MIA3: variants seen among roughly 807,000 people sequenced by gnomAD.
The protein encoded by MIA3 is MIA SH3 domain ER export factor 3.
MIA3 carries 90 observed loss-of-function variants against 192.4 expected under a neutral mutation model. That is an observed-to-expected ratio of 0.47 (90% confidence interval 0.39 to 0.56). The LOEUF is 0.56. Ranked by LOEUF, MIA3 falls within the 20% of genes least tolerant of loss-of-function variation. The probability of loss-of-function intolerance (pLI) is 0.00; values close to 1 mark genes in which losing one functional copy is unlikely to be tolerated. For synonymous variants in MIA3, 740 were observed against 792.8 expected, an observed-to-expected ratio of 0.93 and a Z score of 1.12; for missense variants, 2,123 against 2,269.4, an observed-to-expected ratio of 0.94 and a Z score of 1.31.
At chr1:222,656,305 T>C (rs1375965914) in intron 18 of MIA3, among the ~76,000 whole-genome samples, 3 of 152,140 alleles carry the variant, frequency 2.0e-5, no homozygotes, top group South Asian at 2.1e-4. Context: ...TCAGTGAGTT[T>C]ACTTTTGTAT....
At chr1:222,625,285 G>A (rs112438796) in intron 3 of MIA3, among the ~76,000 whole-genome samples, 159 of 152,332 alleles carry the variant, frequency 1.0e-3, no homozygotes, top group African/African-American at 3.4e-3. Context: ...GATTACATGC[G>A]TGAGCCACTG....
chr1:222,661,753 G>A (rs919140755), intron 24 of MIA3, among the ~76,000 whole-genome samples: 11 of 152,080 alleles, frequency 7.2e-5, no homozygotes, highest in Admixed American at 5.9e-4. Flanking sequence ...AGTAAGATAC[G>A]GAAGTCAGAT....
At position 222,629,847 on chromosome 1, in the gene MIA3, C is replaced by T. The variant is rs1320935884; in HGVS notation, c.2627C>T (p.Ser876Leu). The part of the protein sequence containing the change: ...GLAGEPEGEL[S>L]KEDHENTEKY... ...GCAGGGGAGCCTGAGGGAGAACTCT[C>T]AAAAGAGGACCATGAGAACACAGAG... The change falls in exon 4 of 28, where the codon TCA (serine) becomes TTA (leucine). Residue 876 changes from serine (S) to leucine (L), a missense_variant. By Grantham distance (145) the Ser-to-Leu change is moderately radical (BLOSUM62 -2). Coordinates refer to ENST00000344922, the MANE Select transcript of MIA3 (RefSeq NM_198551.4). The T allele has an allele frequency of 1.2e-6, 2 of 1,613,658 alleles. No individual in the cohort carries two copies. The highest frequency in any genetic ancestry group is 1.7e-6 in the Non-Finnish European group (2 of 1,179,924).
In MIA3 at chr1:222,629,532, C is replaced by A; in HGVS notation, c.2312C>A (p.Pro771Gln). 1 of 1,613,938 alleles carries A rather than the reference C, an allele frequency of 6.2e-7. No homozygotes were observed. The highest frequency in any genetic ancestry group is 8.5e-7 in the Non-Finnish European group (1 of 1,180,012). The stretch of plus-strand genomic sequence containing the variant: ...AGAGCAGTTTTAGGGACCATTCATC[C>A]AGATCCAGAAATTGAAGAAAGCAAG... ...PDRAVLGTIHPDPEIEESKQE... is the reference protein window; with the variant it reads ...PDRAVLGTIHQDPEIEESKQE... The change falls in exon 4 of 28, where the codon CCA becomes CAA. Residue 771 changes from proline (P) to glutamine (Q), a missense_variant. By Grantham distance (76) the Pro-to-Gln change is moderately conservative. Transcript: ENST00000344922.
Position 222,628,796 on chromosome 1 carries a change from A to G in MIA3, c.1576A>G (p.Asn526Asp). The G allele has an allele frequency of 6.2e-7, 1 of 1,614,126 alleles. No homozygotes were observed. The highest frequency in any genetic ancestry group is 8.5e-7 in the Non-Finnish European group (1 of 1,180,034). The change falls in exon 4 of 28, where the codon AAT becomes GAT. Residue 526 changes from asparagine to aspartate, a missense_variant. By Grantham distance (23) the Asn-to-Asp change is conservative. Coordinates refer to ENST00000344922, the MANE Select transcript of MIA3 (RefSeq NM_198551.4). ...TLKSAYDDTENDLKGAAIHIS... is the reference protein window; with the variant it reads ...TLKSAYDDTEDDLKGAAIHIS... ...AAAATCAGCTTATGATGATACAGAAAATGACCTAAAAGGAGCAGCTATTCA... is the reference window on the plus strand; with the variant it reads ...AAAATCAGCTTATGATGATACAGAAGATGACCTAAAAGGAGCAGCTATTCA...
intron 22 of MIA3, 48 bp from the exon 23 acceptor site, chr1:222,659,858 C>T (rs1663920021): frequency 6.2e-7 from 1 of 1,604,014 alleles, no homozygotes; most frequent in Admixed American, 1.7e-5. Context: ...GAATTGGTTT[C>T]TATTTCATAT....
intron 6 of MIA3, among the ~76,000 whole-genome samples, 178 bp downstream of exon 6, chr1:222,633,427 A>G (rs1238102863): frequency 6.6e-6 from 1 of 152,202 alleles, no homozygotes; most frequent in East Asian, 1.9e-4. Context: ...AGTTCAGCAC[A>G]TGAGGAGGCT....
chr1:222,622,147 C>G (rs1302969498), intron 2 of MIA3, among the ~76,000 whole-genome samples: 1 of 152,082 alleles, frequency 6.6e-6, no homozygotes, highest in Non-Finnish European at 1.5e-5. Flanking sequence ...CATCCTTGTC[C>G]TGCTTTTCAG....
At chr1:222,641,419 T>A (rs1662847028) in intron 6 of MIA3, 1 of 476,510 alleles carries the variant, frequency 2.1e-6, no homozygotes, top group African/African-American at 2.0e-5. Flanking sequence ...ATTCTTCAGG[T>A]CTTAGCAGTA....
intron 6 of MIA3, among the ~76,000 whole-genome samples, chr1:222,637,683 AATTTTT>A (rs1662689430): frequency 3.4e-5 from 1 of 29,830 alleles, no homozygotes. Flanking sequence ...AATCAAGAAT[AATTTTT>A]TTTTTTTTTT....
chr1:222,623,840 G>A (rs1427185901), intron 2 of MIA3, among the ~76,000 whole-genome samples: 2 of 152,216 alleles, frequency 1.3e-5, no homozygotes, highest in Non-Finnish European at 2.9e-5. Context: ...TGCTGAAAAT[G>A]AATGGAATTA....
intron 6 of MIA3, among the ~76,000 whole-genome samples, chr1:222,644,876 C>A (rs1663060891): frequency 6.6e-6 from 1 of 151,918 alleles, no homozygotes; most frequent in South Asian, 2.1e-4. Flanking sequence ...TTCTGCATAA[C>A]CCCCGGCTCT....
intron 2 of MIA3, 127 bp from the exon 3 acceptor site, chr1:222,624,641 A>G: frequency 1.7e-6 from 1 of 604,486 alleles, no homozygotes; most frequent in Non-Finnish European, 3.0e-6. Flanking sequence ...GGAGAAAAGT[A>G]ATGACATTAC....
intron 18 of MIA3, among the ~76,000 whole-genome samples, chr1:222,655,037 C>T (rs1053348045): frequency 4.6e-5 from 7 of 152,172 alleles, no homozygotes; most frequent in Non-Finnish European, 7.3e-5. Flanking sequence ...TACTGACGGT[C>T]GCTGCTGTGG....
chr1:222,630,832 C>T (rs984850793), intron 4 of MIA3, among the ~76,000 whole-genome samples: 5 of 152,154 alleles, frequency 3.3e-5, no homozygotes, highest in Admixed American at 1.3e-4. Context: ...TTGTGGATGG[C>T]TTGTTCTTCC....
In MIA3 at chr1:222,650,896, A is replaced by G. The variant is rs200547035; in HGVS notation, c.3902A>G (p.Gln1301Arg). 14 of 1,588,748 alleles carry G rather than the reference A, an allele frequency of 8.8e-6. No homozygotes were observed. The African/African-American group carries it at 1.6e-4, about 18-fold the overall frequency. ...ESEREQNVKN[Q>R]DLISENKKSI... ...GAGAGAGAACAGAATGTCAAGAATCAGGACTTGGTAAGAGTTTTGCTGCTA... is the reference window on the plus strand; with the variant it reads ...GAGAGAGAACAGAATGTCAAGAATCGGGACTTGGTAAGAGTTTTGCTGCTA... Residue 1301 changes from glutamine (Q) to arginine (R), a missense_variant, in exon 11 of 28, where the codon CAG (glutamine) becomes CGG (arginine). Transcript: ENST00000344922.
rs200192078 is a variant in MIA3 at position 222,629,480 on chromosome 1, T to A, written c.2260T>A (p.Phe754Ile). 1.3e-3 allele frequency: 2,068 copies of A among 1,614,042 alleles called. 4 individuals carry two copies. The highest frequency in any genetic ancestry group is 1.4e-3 in the Non-Finnish European group (1,642 of 1,180,020). Residue 754 changes from phenylalanine to isoleucine, a missense_variant, in exon 4 of 28, where the codon TTT (phenylalanine) becomes ATT (isoleucine). By Grantham distance (21) the Phe-to-Ile change is conservative. This residue lies in a region of MIA3 where 1,357 missense variants were observed against 1,396.1 expected (regional missense o/e 0.97). Transcript: ENST00000344922. ...EKNPGNQGRQ[F>I]DVNLQVPDRA... ...AAACCCTGGGAATCAGGGCAGGCAG[T>A]TTGATGTTAATCTGCAAGTCCCTGA...
intron 15 of MIA3, among the ~76,000 whole-genome samples, chr1:222,653,997 C>T (rs1267620630): frequency 1.3e-5 from 2 of 152,300 alleles, no homozygotes; most frequent in East Asian, 3.9e-4. Flanking sequence ...GAAGAAAGAG[C>T]TTTATCTCAC....
chr1:222,665,769 C>A lies in MIA3; in HGVS notation c.*150C>A. On this transcript the variant is annotated 3_prime_UTR_variant, in exon 28 of 28. Coordinates refer to ENST00000344922, the MANE Select transcript of MIA3 (RefSeq NM_198551.4). ...GCCTTGGCAGTGTGCATTTTTGAGC[C>A]AAACAATTCAAAAATGTCATTTCTT... is the stretch of plus-strand genomic sequence containing the variant. 1 of 533,572 alleles carries A rather than the reference C, an allele frequency of 1.9e-6. No homozygotes were observed. The highest frequency in any genetic ancestry group is 3.0e-6 in the Non-Finnish European group (1 of 334,330). 33.1% of individuals were successfully genotyped at this position (533,572 alleles called of 1,614,324 possible).
Sources: gnomAD v4.1 joint callset for allele counts (sites outside exome capture counted in the v4.1 genomes callset) on GRCh38, gnomAD v4.1.1 for gene constraint, gnomAD v4.1.1 regional missense constraint, MANE v1.5 for transcripts, NCBI Gene and HGNC (gene_info 2026-07-23, HGNC 2026-07-21) for gene names.